Variants in SPPL3 observed in about 807,000 individuals in gnomAD.
The protein encoded by SPPL3 is signal peptide peptidase like 3, also known as signal peptide peptidase-like 3.
A neutral mutation model predicts 42.4 loss-of-function variants in SPPL3; 5 were observed. The ratio of observed to expected loss-of-function variants is 0.12; its 90% CI spans 0.06 to 0.25. The LOEUF (loss-of-function observed/expected upper bound fraction) is 0.25. Among genes scored for constraint, SPPL3 ranks in the 10% least tolerant of loss-of-function variants. SPPL3 has a pLI of 1.00. For missense variants in SPPL3, 235 were observed against 489.0 expected, an observed-to-expected ratio of 0.48 and a Z score of 4.90; for synonymous variants, 195 against 181.8, an observed-to-expected ratio of 1.07 and a Z score of -0.58.
rs114465356 is a variant in SPPL3 at position 120,847,887 on chromosome 12, T to C, written c.24-37001A>G. Among the ~76,000 whole-genome samples the C allele has an allele frequency of 6.0e-3, 910 of 152,304 alleles. 11 individuals carry two copies. The highest frequency in any genetic ancestry group is 0.02 in the African/African-American group (815 of 41,568). On this transcript the variant is annotated intron_variant, in intron 1 of 10. Transcript: ENST00000353487. Reference sequence around the variant, plus strand: ...GTCCCCTGGCTTTCAAAATGCCACATTGAATCTGAACCGTGCTCATTTTAA... The same window carrying C: ...GTCCCCTGGCTTTCAAAATGCCACACTGAATCTGAACCGTGCTCATTTTAA...
intron 2 of SPPL3, among the ~76,000 whole-genome samples, chr12:120,804,898 AAAGG>A (rs1256494803): frequency 6.6e-6 from 1 of 152,248 alleles, no homozygotes; most frequent in African/African-American, 2.4e-5. Context: ...TCAGTAATAA[AAAGG>A]AATGAAATAC....
chr12:120,850,454 T>C (rs1202465419), intron 1 of SPPL3, among the ~76,000 whole-genome samples: 2 of 140,218 alleles, frequency 1.4e-5, no homozygotes, highest in African/African-American at 5.3e-5. Context: ...AGCCCAAGAG[T>C]TCAAGACCAG....
chr12:120,822,916 C>A (rs11065280), intron 1 of SPPL3, among the ~76,000 whole-genome samples: 2 of 151,968 alleles, frequency 1.3e-5, no homozygotes, highest in Admixed American at 6.6e-5. Flanking sequence ...GAGGACTCTG[C>A]TAGGTACTAG....
chr12:120,774,348 T>A (rs1406623104), intron 6 of SPPL3, among the ~76,000 whole-genome samples: 1 of 152,196 alleles, frequency 6.6e-6, no homozygotes. Context: ...TGCCTGAAGG[T>A]CACCAGGTTC....
At chr12:120,831,043 G>A (rs938489834) in intron 1 of SPPL3, among the ~76,000 whole-genome samples, 4 of 152,042 alleles carry the variant, frequency 2.6e-5, no homozygotes, top group Admixed American at 2.0e-4. Context: ...GGCCTGAACA[G>A]AACAAAAAGG....
At chr12:120,795,830 C>T (rs1870078460) in intron 2 of SPPL3, among the ~76,000 whole-genome samples, 1 of 152,134 alleles carries the variant, frequency 6.6e-6, no homozygotes, top group African/African-American at 2.4e-5. Context: ...CTTTCAGGGA[C>T]TCCATTACCC....
intron 1 of SPPL3, among the ~76,000 whole-genome samples, chr12:120,820,173 A>AT (rs1341248702): frequency 6.6e-6 from 1 of 152,102 alleles, no homozygotes; most frequent in East Asian, 1.9e-4. Flanking sequence ...GGTTGTTAGA[A>AT]TTTTTTTGCT....
rs1026400502 is a variant in SPPL3 at position 120,903,907 on chromosome 12, G to A, written c.-40C>T. On this transcript the variant is annotated 5_prime_UTR_variant, in exon 1 of 11. Coordinates refer to ENST00000353487, the MANE Select transcript of SPPL3 (RefSeq NM_139015.5). ...TGGGCTCCGCTGCAGGCTGTGGCCG[G>A]GCCCGGCGGCGGCGGGCTCGCTCGG... 8 of 1,339,856 alleles carry A rather than the reference G, an allele frequency of 6.0e-6. No homozygotes were observed. The highest frequency in any genetic ancestry group is 2.8e-4 in the Middle Eastern group (1 of 3,634). The allele number at this position is 1,339,856 out of a possible 1,614,324, so 83.0% of individuals were successfully genotyped here. A position where few individuals can be genotyped will look rare whatever the true frequency, so the allele number is the denominator to read the frequency against.
intron 2 of SPPL3, among the ~76,000 whole-genome samples, chr12:120,801,297 T>TTC (rs1209851238): frequency 1.3e-5 from 2 of 152,032 alleles, no homozygotes; most frequent in African/African-American, 4.8e-5. Flanking sequence ...GGGCCTCCTC[T>TTC]TCTCTCTCTC....
chr12:120,797,961 G>A (rs1321997427), intron 2 of SPPL3, among the ~76,000 whole-genome samples: 1 of 152,150 alleles, frequency 6.6e-6, no homozygotes, highest in Non-Finnish European at 1.5e-5. Context: ...CTGGTACCAA[G>A]GAAGCCTCAA....
At chr12:120,792,636 G>T (rs1869957475) in intron 2 of SPPL3, among the ~76,000 whole-genome samples, 3 of 147,114 alleles carry the variant, frequency 2.0e-5, no homozygotes, top group Non-Finnish European at 4.5e-5. Context: ...GGAGGCAGAG[G>T]TTGCAGTGAG....
chr12:120,864,761 T>C (rs1473832390), intron 1 of SPPL3, among the ~76,000 whole-genome samples: 1 of 152,210 alleles, frequency 6.6e-6, no homozygotes, highest in Non-Finnish European at 1.5e-5. Flanking sequence ...ACAACCACAG[T>C]ACTTCAACAC....
intron 1 of SPPL3, among the ~76,000 whole-genome samples, chr12:120,878,410 G>T (rs768182051): frequency 3.3e-5 from 5 of 152,170 alleles, no homozygotes; most frequent in Admixed American, 6.5e-5. Flanking sequence ...CATAAAGATA[G>T]GATTAGCCCT....
intron 1 of SPPL3, among the ~76,000 whole-genome samples, chr12:120,881,455 G>C (rs1372721425): frequency 1.0e-5 from 1 of 96,692 alleles, no homozygotes; most frequent in Admixed American, 1.6e-4. Context: ...GCAAAAGAGT[G>C]AGACTGCCTC....
chr12:120,843,417 T>C (rs1384887086), intron 1 of SPPL3, among the ~76,000 whole-genome samples: 1 of 152,152 alleles, frequency 6.6e-6, no homozygotes, highest in Non-Finnish European at 1.5e-5. Flanking sequence ...TCAAAGCCAA[T>C]ATTCCTGCTG....
intron 2 of SPPL3, among the ~76,000 whole-genome samples, chr12:120,804,623 T>A (rs561303463): frequency 6.6e-6 from 1 of 152,120 alleles, no homozygotes; most frequent in African/African-American, 2.4e-5. Flanking sequence ...AGTGGAGAAA[T>A]TGGAAACCTC....
chr12:120,770,548 A>G (rs1285827415), intron 6 of SPPL3, among the ~76,000 whole-genome samples: 2 of 152,094 alleles, frequency 1.3e-5, no homozygotes, highest in Non-Finnish European at 2.9e-5. Context: ...AGACACAGTA[A>G]TCGACCTGTC....
intron 1 of SPPL3, among the ~76,000 whole-genome samples, chr12:120,883,904 C>T (rs1873366944): frequency 6.6e-6 from 1 of 151,292 alleles, no homozygotes; most frequent in East Asian, 1.9e-4. Flanking sequence ...GAGTTCAAGA[C>T]CAGCCTGATC....
At chr12:120,832,687 G>A (rs1566055180) in intron 1 of SPPL3, among the ~76,000 whole-genome samples, 1 of 152,054 alleles carries the variant, frequency 6.6e-6, no homozygotes, top group Non-Finnish European at 1.5e-5. Flanking sequence ...AAGCTATTTG[G>A]AAATGAAAGT....
Sources: allele counts gnomAD v4.1 joint callset (sites outside exome capture counted in the v4.1 genomes callset), GRCh38; gene constraint gnomAD v4.1.1; transcripts MANE v1.5; gene names NCBI Gene and HGNC (gene_info 2026-07-23, HGNC 2026-07-21).